GMDS: variants seen among roughly 807,000 people sequenced by gnomAD.
GMDS encodes GDP-mannose 4,6 dehydratase.
GMDS carries 20 observed loss-of-function variants against 49.9 expected under a neutral mutation model. The ratio of observed to expected loss-of-function variants is 0.40; its 90% confidence interval spans 0.28 to 0.58. GMDS has a LOEUF of 0.58. GMDS is among the 20% of genes least tolerant of loss of function. The pLI, the probability that GMDS is intolerant of heterozygous loss-of-function variation, is 0.42. For synonymous variants in GMDS, 177 were observed against 178.6 expected (o/e 0.99, Z 0.07); for missense variants, 362 against 481.4 (o/e 0.75, Z 2.32).
At chr6:2,116,365 T>A (rs1774849982) in intron 3 of GMDS, among the ~76,000 whole-genome samples, 2 of 152,204 alleles carry the variant, frequency 1.3e-5, no homozygotes, top group African/African-American at 4.8e-5. Context: ...ATGCCCGATG[T>A]GGTGACATAA....
At chr6:1,872,769 C>T (rs1005203294) in intron 7 of GMDS, among the ~76,000 whole-genome samples, 1 of 152,250 alleles carries the variant, frequency 6.6e-6, no homozygotes, top group African/African-American at 2.4e-5. Flanking sequence ...TAAGGGGAAA[C>T]CTTTTAATGA....
At chr6:1,915,432 C>T (rs1761328346) in intron 7 of GMDS, among the ~76,000 whole-genome samples, 1 of 152,216 alleles carries the variant, frequency 6.6e-6, no homozygotes, top group Non-Finnish European at 1.5e-5. Context: ...ACTCCAAGGG[C>T]AAGCAGCAGG....
At chr6:1,845,666 G>A (rs1189237502) in intron 7 of GMDS, among the ~76,000 whole-genome samples, 26 of 152,148 alleles carry the variant, frequency 1.7e-4, no homozygotes, top group Admixed American at 1.7e-3. Flanking sequence ...GGTGTGGGGC[G>A]ATGGTTTTGG....
intron 4 of GMDS, among the ~76,000 whole-genome samples, chr6:2,094,506 C>T (rs1315010253): frequency 2.0e-5 from 3 of 152,184 alleles, no homozygotes; most frequent in African/African-American, 4.8e-5. Context: ...AAAGAGAAGA[C>T]GGTCGTGCCA....
intron 7 of GMDS, among the ~76,000 whole-genome samples, chr6:1,905,651 T>C (rs1760729240): frequency 1.3e-5 from 1 of 78,728 alleles, no homozygotes; most frequent in African/African-American, 5.9e-5. Flanking sequence ...GGCCAGCACA[T>C]AGCTGTGGGT....
At chr6:2,125,136 C>T (rs2127510170) in intron 1 of GMDS, among the ~76,000 whole-genome samples, 1 of 152,214 alleles carries the variant, frequency 6.6e-6, no homozygotes, top group South Asian at 2.1e-4. Context: ...TCTGGGGGGT[C>T]ATTAAACAAG....
chr6:1,838,164 C>T (rs1757007963), intron 7 of GMDS, among the ~76,000 whole-genome samples: 1 of 152,174 alleles, frequency 6.6e-6, no homozygotes, highest in Non-Finnish European at 1.5e-5. Flanking sequence ...TCTCCTTTCC[C>T]AACTCAGCTC....
chr6:1,864,503 A>T (rs1005457090), intron 7 of GMDS, among the ~76,000 whole-genome samples: 1 of 152,180 alleles, frequency 6.6e-6, no homozygotes, highest in Non-Finnish European at 1.5e-5. Context: ...GATGACATGA[A>T]TTTTTCTTTT....
At chr6:1,625,116 C>T (rs1762812547) in intron 9 of GMDS, 1 of 152,152 alleles carries the variant, frequency 6.6e-6, no homozygotes, top group Admixed American at 6.5e-5. Context: ...AGCGTGCGAC[C>T]CTCTTTCTAA....
Position 1,711,427 on chromosome 6 carries a change from G to A in GMDS, c.987+14989C>T, listed in dbSNP as rs78192561. On this transcript the variant is annotated intron_variant, in intron 9 of 10. Transcript: ENST00000380815. ...GCCACCCTTGACAAAGGATGCCTGCGGTTTTGCTTAAAGTAGTAGTATTGC... is the reference window on the plus strand; with the variant it reads ...GCCACCCTTGACAAAGGATGCCTGCAGTTTTGCTTAAAGTAGTAGTATTGC... Among the ~76,000 whole-genome samples, 1,026 of 152,316 alleles carry A rather than the reference G, an allele frequency of 6.7e-3. 14 individuals are homozygous for A. Among genetic ancestry groups the A allele is most frequent in the African/African-American group, 0.024 (983 of 41,578 alleles).
chr6:2,028,445 AAATTT>A (rs1239705476), intron 4 of GMDS, among the ~76,000 whole-genome samples: 1 of 152,252 alleles, frequency 6.6e-6, no homozygotes. Context: ...ACACATTTCC[AAATTT>A]AATTAACCAA....
chr6:1,649,232 A>G (rs1013889534), intron 9 of GMDS, among the ~76,000 whole-genome samples: 2 of 152,190 alleles, frequency 1.3e-5, no homozygotes, highest in African/African-American at 4.8e-5. Context: ...GGTACTAGGA[A>G]GACATTAGCC....
intron 9 of GMDS, among the ~76,000 whole-genome samples, chr6:1,722,065 T>C (rs1766402936): frequency 8.6e-6 from 1 of 115,970 alleles, no homozygotes; most frequent in Admixed American, 8.8e-5. Flanking sequence ...ATCACGTCTT[T>C]TTTTTTTTTT....
At chr6:2,199,107 C>A (rs1241234892) in intron 1 of GMDS, among the ~76,000 whole-genome samples, 1 of 152,180 alleles carries the variant, frequency 6.6e-6, no homozygotes, top group Non-Finnish European at 1.5e-5. Context: ...ATATTAAAAA[C>A]TTCATATTCA....
chr6:1,871,989 G>C (rs187564683), intron 7 of GMDS, among the ~76,000 whole-genome samples: 5 of 152,344 alleles, frequency 3.3e-5, no homozygotes, highest in Admixed American at 1.3e-4. Context: ...TTAGGCAAGA[G>C]AAGCACTTAA....
chr6:2,059,585 G>A (rs1007079836), intron 4 of GMDS, among the ~76,000 whole-genome samples: 3 of 147,032 alleles, frequency 2.0e-5, no homozygotes, highest in African/African-American at 7.6e-5. Context: ...GCGGGCGCCT[G>A]TAGTCCCAGC....
intron 7 of GMDS, among the ~76,000 whole-genome samples, chr6:1,789,552 TC>T (rs1769449700): frequency 2.8e-5 from 4 of 142,736 alleles, no homozygotes; most frequent in Admixed American, 2.1e-4. Flanking sequence ...TTTTTTTTTT[TC>T]CTGACAGGCT....
intron 4 of GMDS, among the ~76,000 whole-genome samples, chr6:2,015,088 T>G (rs1360097474): frequency 6.6e-6 from 1 of 151,898 alleles, no homozygotes; most frequent in South Asian, 2.1e-4. Flanking sequence ...CAAGGGGAAA[T>G]AAAGCCATTA....
chr6:1,646,066 C>G (rs749633831), intron 9 of GMDS, among the ~76,000 whole-genome samples: 2 of 152,228 alleles, frequency 1.3e-5, no homozygotes, highest in African/African-American at 4.8e-5. Flanking sequence ...TGTATCTCCC[C>G]CCAACTAAAT....
Sources: allele counts gnomAD v4.1 joint callset (sites outside exome capture counted in the v4.1 genomes callset), GRCh38; gene constraint gnomAD v4.1.1; transcripts MANE v1.5; gene names NCBI Gene and HGNC (gene_info 2026-07-23, HGNC 2026-07-21).